Variants in STAG3 observed in about 807,000 individuals in gnomAD.
STAG3 encodes the protein STAG3 cohesin complex component.
Under a neutral mutation model 160.7 loss-of-function variants are expected in STAG3, and 101 were observed. That is an observed-to-expected ratio of 0.63 (90% CI 0.54 to 0.74). The LOEUF (loss-of-function observed/expected upper bound fraction) is 0.74, where lower values mean the gene tolerates loss of function less well. STAG3 is among the 30% of genes least tolerant of loss of function. STAG3 has a pLI of 0.00. For missense variants in STAG3, 1,188 were observed against 1,517.4 expected (o/e 0.78, Z 3.61); for synonymous variants, 519 against 585.0 (o/e 0.89, Z 1.63).
rs746707797 is a variant in STAG3 at position 100,200,462 on chromosome 7, G to A, written c.1780G>A (p.Asp594Asn). ...LPQLLAKFSA[D>N]AEKVTPLLQL... Reference sequence around the variant, plus strand: ...CTGTCAATCATCACAGTTCTCAGCTGATGCAGAGAAGGTCACTCCCCTGCT... The same window carrying A: ...CTGTCAATCATCACAGTTCTCAGCTAATGCAGAGAAGGTCACTCCCCTGCT... Residue 594 changes from aspartate to asparagine, a missense_variant, in exon 18 of 34, where the codon GAT (aspartate) becomes AAT (asparagine). Asp to Asn is a conservative substitution (Grantham distance 23). Around this residue, in one of 4 missense-constraint regions of STAG3, gnomAD observed 240 missense variants for 358.1 expected, o/e 0.67. Transcript: ENST00000615138. 1 of 1,613,902 alleles carries A rather than the reference G, an allele frequency of 6.2e-7. No individual in the cohort carries two copies. Among genetic ancestry groups the A allele is most frequent in the African/African-American group, 1.3e-5 (1 of 74,912 alleles).
chr7:100,200,783 C>T lies in STAG3; in HGVS notation c.1875C>T (p.Phe625=). 2 of 1,614,154 alleles carry T rather than the reference C, an allele frequency of 1.2e-6. No individual in the cohort carries two copies. The highest frequency in any genetic ancestry group is 1.7e-6 in the Non-Finnish European group (2 of 1,180,020). The change falls in exon 19 of 34, where the codon TTC becomes TTT. Residue 625 remains phenylalanine, a synonymous_variant. Coordinates refer to ENST00000615138, the MANE Select transcript of STAG3 (RefSeq NM_001282717.2). ...TGRLEKHLEL[F]LQQLQEVVVK... is the part of the protein sequence containing the mutation. Reference sequence around the variant, plus strand: ...TTTCTTCTCAGCACCTGGAGCTGTTCCTGCAGCAACTCCAGGAGGTGGTGG... The same window carrying T: ...TTTCTTCTCAGCACCTGGAGCTGTTTCTGCAGCAACTCCAGGAGGTGGTGG...
rs1402260567 is a variant in STAG3, at chr7:100,204,701, C to A, written c.2877C>A (p.Asp959Glu). The A allele has an allele frequency of 1.2e-6, 2 of 1,614,138 alleles. No homozygotes were observed. The highest frequency in any genetic ancestry group is 1.3e-5 in the African/African-American group (1 of 75,008). The change falls in exon 27 of 34, where the codon GAC becomes GAA. Residue 959 changes from aspartate to glutamate, a missense_variant. Physicochemically the swap from Asp to Glu is conservative, Grantham distance 45 (BLOSUM62 2). This residue lies in a region of STAG3 where 647 missense variants were observed against 717.2 expected (regional missense o/e 0.90). Transcript: ENST00000615138. The stretch of plus-strand genomic sequence containing the variant: ...TTCCTGCCTTCATCGAGATGAGGGA[C>A]CTGGCCCGGAGGTTTGCCTTGAGTT... ...NELPAFIEMR[D>E]LARRFALSFG...
intron 4 of STAG3, among the ~76,000 whole-genome samples, chr7:100,185,524 C>A (rs1011807113): frequency 6.7e-6 from 1 of 149,358 alleles, no homozygotes. Flanking sequence ...ATTGCTTGAA[C>A]GTGGGAGGTG....
downstream of STAG3, chr7:100,218,950 G>A (rs1411655272): frequency 6.1e-6 from 1 of 164,182 alleles, no homozygotes; most frequent in Non-Finnish European, 1.3e-5. Flanking sequence ...GTCAGGACAG[G>A]GCAGAGAAAT....
chr7:100,209,591 C>T (rs937559631), intron 29 of STAG3, among the ~76,000 whole-genome samples: 10 of 152,120 alleles, frequency 6.6e-5, no homozygotes, highest in Non-Finnish European at 1.5e-4. Context: ...GCTGCTGTGT[C>T]GAAAACGACA....
At chr7:100,204,899 G>C (rs550838283) in intron 27 of STAG3, 106 bp from the exon 28 acceptor site, 2 of 1,575,656 alleles carry the variant, frequency 1.3e-6, no homozygotes, top group Non-Finnish European at 1.7e-6. Flanking sequence ...GTATGCCTTT[G>C]GAGACAAGCT....
chr7:100,205,203 C>T (rs754871940), intron 28 of STAG3, 24 bp from the exon 29 acceptor site: 2 of 1,613,254 alleles, frequency 1.2e-6, no homozygotes, highest in East Asian at 2.2e-5. Flanking sequence ...CCCCTTCAGG[C>T]TTTTGGTTCT....
At position 100,204,916 on chromosome 7, in the gene STAG3, G is replaced by C. The variant is rs181344107; in HGVS notation, c.2952-89G>C. On this transcript the variant is annotated intron_variant, in intron 27 of 33. Coordinates refer to ENST00000615138, the MANE Select transcript of STAG3 (RefSeq NM_001282717.2). ...ATGCCTTTGGAGACAAGCTGGGGAC[G>C]GGGGGAGGGTGCATTTGGACAGGAT... 4.5e-4 allele frequency: 703 copies of C among 1,572,100 alleles called. 1 individual carries two copies. Among genetic ancestry groups the C allele is most frequent in the Non-Finnish European group, 5.1e-4 (585 of 1,157,922 alleles).
Position 100,202,317 on chromosome 7 carries a change from T to G in STAG3, c.2540T>G (p.Ile847Ser). Residue 847 changes from isoleucine (I) to serine (S), a missense_variant, in exon 24 of 34, where the codon ATC becomes AGC. Physicochemically the swap from Ile to Ser is moderately radical, Grantham distance 142. This residue lies in a region of STAG3 where 647 missense variants were observed against 717.2 expected (regional missense o/e 0.90). Transcript: ENST00000615138. ...LASFLMDHVF[I>S]QPGDLGSGDS... ...AGCTTCCTCATGGACCACGTCTTCA[T>G]CCAGCCGGGAGACCTGGGCAGTGGT... 6.2e-7 allele frequency: 1 copy of G among 1,614,164 alleles called. No individual in the cohort carries two copies. The highest frequency in any genetic ancestry group is 8.5e-7 in the Non-Finnish European group (1 of 1,180,028).
At chr7:100,191,810 G>A (rs1162251257) in intron 8 of STAG3, among the ~76,000 whole-genome samples, 1 of 152,210 alleles carries the variant, frequency 6.6e-6, no homozygotes, top group African/African-American at 2.4e-5. Flanking sequence ...ATGAAATGCT[G>A]TTTGATGACA....
chr7:100,191,234 C>A (rs1800327604), intron 8 of STAG3, among the ~76,000 whole-genome samples: 1 of 152,104 alleles, frequency 6.6e-6, no homozygotes, highest in African/African-American at 2.4e-5. Context: ...CCAAAAAAAT[C>A]TTTAGACACT....
chr7:100,200,642 A>G, intron 18 of STAG3, 100 bp downstream of exon 18: 1 of 1,538,558 alleles, frequency 6.5e-7, no homozygotes, highest in Non-Finnish European at 8.9e-7. Context: ...TTCCAGAAAA[A>G]TCAGCAAGCC....
intron 8 of STAG3, 33 bp from the exon 9 acceptor site, chr7:100,195,276 A>G: frequency 1.2e-6 from 2 of 1,602,660 alleles, no homozygotes; most frequent in East Asian, 2.2e-5. Context: ...TTAGGGTACA[A>G]GAAAGATTAA....
At chr7:100,198,785 C>T (rs1415815153) in intron 13 of STAG3, 58 bp from the exon 14 acceptor site, 14 of 1,487,404 alleles carry the variant, frequency 9.4e-6, no homozygotes, top group Middle Eastern at 2.4e-4. Context: ...CCTCTGTGGT[C>T]GTTACACCTC....
rs1256539713 is a variant in STAG3, at chr7:100,205,039, C to T, written c.2986C>T (p.Pro996Ser). The change falls in exon 28 of 34, where the codon CCA becomes TCA. Residue 996 changes from proline to serine, a missense_variant. By Grantham distance (74) the Pro-to-Ser change is moderately conservative. Transcript: ENST00000615138. The part of the protein sequence containing the change: ...GIQFSLSELP[P>S]AGSSNQPPNL... ...CCAGTTCTCCTTGTCTGAGCTTCCT[C>T]CAGCTGGCTCCTCCAATCAGCCTCC... The T allele has an allele frequency of 6.2e-7, 1 of 1,614,102 alleles. No homozygotes were observed. Among genetic ancestry groups the T allele is most frequent in the Non-Finnish European group, 8.5e-7 (1 of 1,179,980 alleles).
chr7:100,200,417 C>T (rs905849015), intron 17 of STAG3, 36 bp from the exon 18 acceptor site: 1 of 1,613,066 alleles, frequency 6.2e-7, no homozygotes, highest in African/African-American at 1.3e-5. Flanking sequence ...AGCAATGTGT[C>T]AGCTTGTAAG....
At chr7:100,209,529 G>T (rs1801979116) in intron 29 of STAG3, among the ~76,000 whole-genome samples, 1 of 152,208 alleles carries the variant, frequency 6.6e-6, no homozygotes, top group African/African-American at 2.4e-5. Flanking sequence ...AAAACCATTG[G>T]AGGATTTTGA....
chr7:100,198,712 T>A, intron 13 of STAG3, 130 bp downstream of exon 13: 2 of 1,225,404 alleles, frequency 1.6e-6, no homozygotes, highest in Non-Finnish European at 2.4e-6. Context: ...TTCTCGCAGC[T>A]CCTTGGGGCT....
chr7:100,198,112 A>G lies in STAG3; in HGVS notation c.1190A>G (p.Asp397Gly). The change falls in exon 12 of 34, where the codon GAC (aspartate) becomes GGC (glycine). Residue 397 changes from aspartate to glycine, a missense_variant. Physicochemically the swap from Asp to Gly is moderately conservative, Grantham distance 94. Transcript: ENST00000615138. ...FKDRMVSMVMDREYDVAVEAV... is the reference protein window; with the variant it reads ...FKDRMVSMVMGREYDVAVEAV... ...GACCGGATGGTTTCCATGGTCATGG[A>G]CAGAGAGTATGATGTGGCAGTGGAG... 6.2e-7 allele frequency: 1 copy of G among 1,613,956 alleles called. No individual in the cohort carries two copies.
Sources: gnomAD v4.1 joint callset for allele counts (sites outside exome capture counted in the v4.1 genomes callset) on GRCh38, gnomAD v4.1.1 for gene constraint, gnomAD v4.1.1 regional missense constraint, MANE v1.5 for transcripts, NCBI Gene and HGNC (gene_info 2026-07-23, HGNC 2026-07-21) for gene names.